CSMD1: variants seen among roughly 807,000 people sequenced by gnomAD.
CSMD1 encodes CUB and Sushi multiple domains 1.
In CSMD1, 213 loss-of-function variants were observed where a neutral mutation model predicts 417.5. That is an observed-to-expected ratio of 0.51 (90% confidence interval 0.46 to 0.57). The LOEUF is 0.57. Among genes scored for constraint, CSMD1 ranks in the 20% least tolerant of loss-of-function variants. The probability of loss-of-function intolerance (pLI) is 0.00; values close to 1 mark genes in which losing one functional copy is unlikely to be tolerated. For synonymous variants in CSMD1, 2,862 were observed against 1,736.8 expected (o/e 1.65, Z -16.11); for missense variants, 6,923 against 4,529.7 (o/e 1.53, Z -15.17).
chr8:3,869,451 T>G (rs1805328871), intron 5 of CSMD1, among the ~76,000 whole-genome samples: 1 of 152,214 alleles, frequency 6.6e-6, no homozygotes, highest in Non-Finnish European at 1.5e-5. Flanking sequence ...ATAAAGCGTG[T>G]CTCACCTTAG....
In CSMD1 at chr8:2,938,693, A is replaced by G. The variant is rs756194734; in HGVS notation, c.10587T>C (p.Asn3529=). Residue 3529 remains asparagine, a synonymous_variant, in exon 70 of 70, where the codon AAT becomes AAC. Transcript: ENST00000635120. The part of the protein sequence containing the change: ...YNGYAGHENS[N]GQASFENPMY... ...TGGGGTTTTCAAACGATGCTTGTCC[A>G]TTGCTGTTTTCATGCCCAGCATAGC... 5.6e-6 allele frequency: 9 copies of G among 1,611,978 alleles called. No individual in the cohort carries two copies. The highest frequency in any genetic ancestry group is 2.2e-5 in the South Asian group (2 of 90,538).
chr8:4,398,110 T>G (rs1052952051), intron 3 of CSMD1, among the ~76,000 whole-genome samples: 1 of 152,174 alleles, frequency 6.6e-6, no homozygotes, highest in Non-Finnish European at 1.5e-5. Context: ...ATCTTTTATG[T>G]TGCTAATGCC....
At chr8:3,022,842 A>G (rs547214944) in intron 51 of CSMD1, among the ~76,000 whole-genome samples, 5 of 152,202 alleles carry the variant, frequency 3.3e-5, no homozygotes, top group African/African-American at 4.8e-5. Context: ...TATAGATCAG[A>G]GTCAGGAATT....
chr8:3,424,049 C>T (rs930809172), intron 12 of CSMD1, among the ~76,000 whole-genome samples: 1 of 152,128 alleles, frequency 6.6e-6, no homozygotes, highest in Non-Finnish European at 1.5e-5. Flanking sequence ...AAATTTACCT[C>T]CTTTTAAAAA....
chr8:4,960,804 A>C (rs1264387456), intron 1 of CSMD1, among the ~76,000 whole-genome samples: 1 of 152,168 alleles, frequency 6.6e-6, no homozygotes. Flanking sequence ...TCTGTTATAA[A>C]ATGGTAAAAC....
At chr8:3,298,987 A>G (rs1026495359) in intron 25 of CSMD1, among the ~76,000 whole-genome samples, 3 of 152,198 alleles carry the variant, frequency 2.0e-5, no homozygotes, top group Non-Finnish European at 2.9e-5. Context: ...ACAAACATGC[A>G]CCCTGGTACC....
At chr8:3,558,357 C>G (rs1435988175) in intron 10 of CSMD1, among the ~76,000 whole-genome samples, 2 of 123,636 alleles carry the variant, frequency 1.6e-5, no homozygotes, top group Non-Finnish European at 3.8e-5. Flanking sequence ...TCCACTCCTC[C>G]AATGATGAAT....
intron 3 of CSMD1, among the ~76,000 whole-genome samples, chr8:4,042,996 G>A (rs979969790): frequency 1.3e-4 from 19 of 151,796 alleles, no homozygotes; most frequent in African/African-American, 4.6e-4. Context: ...GCTGGGTGTG[G>A]TGACTTGCAC....
chr8:4,816,099 G>A (rs896166927), intron 1 of CSMD1, among the ~76,000 whole-genome samples: 3 of 152,192 alleles, frequency 2.0e-5, no homozygotes, highest in Non-Finnish European at 4.4e-5. Context: ...GGCAGAATGT[G>A]AGGAAGGCTG....
intron 37 of CSMD1, among the ~76,000 whole-genome samples, chr8:3,179,855 C>G (rs259857): frequency 0.73 from 111,201 of 152,108 alleles, 40,772 homozygotes; most frequent in Non-Finnish European, 0.76. Flanking sequence ...AAGTAGTCCT[C>G]TTCATATAAA....
rs578003146 is a variant in CSMD1 at position 3,957,489 on chromosome 8, C to T, written c.818+40414G>A. ...GCCTAGGAGTATTGGACCATGTGGGCAACATGGCCGCACTCTTCTCTATAA... is the reference window on the plus strand; with the variant it reads ...GCCTAGGAGTATTGGACCATGTGGGTAACATGGCCGCACTCTTCTCTATAA... On this transcript the variant is annotated intron_variant, in intron 5 of 69. Coordinates refer to ENST00000635120, the MANE Select transcript of CSMD1 (RefSeq NM_033225.6). 2.6e-5 allele frequency among the ~76,000 whole-genome samples: 4 copies of T among 152,040 alleles called. No homozygotes were observed. In the East Asian group the frequency reaches 7.8e-4, roughly 30 times the overall value.
intron 1 of CSMD1, among the ~76,000 whole-genome samples, chr8:4,909,420 G>A (rs757421277): frequency 2.6e-5 from 4 of 152,064 alleles, no homozygotes; most frequent in African/African-American, 4.8e-5. Flanking sequence ...TTTTCCACTA[G>A]CAAGACAGGA....
intron 2 of CSMD1, among the ~76,000 whole-genome samples, chr8:4,442,791 A>G (rs1798559932): frequency 6.6e-6 from 1 of 152,190 alleles, no homozygotes; most frequent in Non-Finnish European, 1.5e-5. Context: ...GATAACTTAC[A>G]ATTTTTAAAA....
intron 5 of CSMD1, among the ~76,000 whole-genome samples, chr8:3,970,227 C>T (rs1318665477): frequency 2.0e-5 from 3 of 152,168 alleles, no homozygotes; most frequent in Non-Finnish European, 4.4e-5. Flanking sequence ...TGCCCAGAAG[C>T]ACCTCCCAAT....
At chr8:4,105,356 A>G (rs1317486732) in intron 3 of CSMD1, among the ~76,000 whole-genome samples, 1 of 151,752 alleles carries the variant, frequency 6.6e-6, no homozygotes, top group Admixed American at 6.6e-5. Context: ...TTATGTTTAT[A>G]TGTGCTTTAG....
At chr8:4,311,717 A>C (rs1456368884) in intron 3 of CSMD1, among the ~76,000 whole-genome samples, 2 of 89,998 alleles carry the variant, frequency 2.2e-5, no homozygotes, top group African/African-American at 1.1e-4. Flanking sequence ...AGCAAGACTC[A>C]GTCTCAAAAA....
intron 5 of CSMD1, among the ~76,000 whole-genome samples, chr8:3,990,746 G>T (rs1334466586): frequency 1.3e-5 from 2 of 152,156 alleles, no homozygotes; most frequent in African/African-American, 2.4e-5. Flanking sequence ...TCTCAGAGTT[G>T]CAGGGGCACC....
chr8:4,028,902 A>G (rs1389115013), intron 4 of CSMD1, among the ~76,000 whole-genome samples: 1 of 152,328 alleles, frequency 6.6e-6, no homozygotes, highest in Non-Finnish European at 1.5e-5. Context: ...GAGTTGAAGT[A>G]TGCTCTTTTC....
chr8:3,313,450 A>G (rs1282938436), intron 23 of CSMD1, among the ~76,000 whole-genome samples: 1 of 152,220 alleles, frequency 6.6e-6, no homozygotes, highest in Non-Finnish European at 1.5e-5. Context: ...AAGTGGGTGA[A>G]GGATGTGAAC....
Sources: gnomAD v4.1 joint callset for allele counts (sites outside exome capture counted in the v4.1 genomes callset) on GRCh38, gnomAD v4.1.1 for gene constraint, MANE v1.5 for transcripts, NCBI Gene and HGNC (gene_info 2026-07-23, HGNC 2026-07-21) for gene names.